Variants in CSMD1 observed in about 807,000 individuals in gnomAD.
CSMD1 encodes the protein CUB and Sushi multiple domains 1, also known as CUB and sushi domain-containing protein 1.
CSMD1 carries 213 observed loss-of-function variants against 417.5 expected under a neutral mutation model. The ratio of observed to expected loss-of-function variants is 0.51; its 90% CI spans 0.46 to 0.57. The LOEUF is 0.57. Ranked by LOEUF, CSMD1 falls within the 20% of genes least tolerant of loss-of-function variation. CSMD1 has a pLI of 0.00. For missense variants in CSMD1, 6,923 were observed against 4,529.7 expected, an observed-to-expected ratio of 1.53 and a Z score of -15.17; for synonymous variants, 2,862 against 1,736.8, an observed-to-expected ratio of 1.65 and a Z score of -16.11.
chr8:3,828,849 T>G (rs960172575), intron 5 of CSMD1, among the ~76,000 whole-genome samples: 1 of 151,990 alleles, frequency 6.6e-6, no homozygotes, highest in East Asian at 1.9e-4. Flanking sequence ...TCCACGAGAT[T>G]TTGTCTTATC....
At chr8:3,967,038 T>A (rs1293200975) in intron 5 of CSMD1, among the ~76,000 whole-genome samples, 2 of 152,244 alleles carry the variant, frequency 1.3e-5, no homozygotes, top group African/African-American at 4.8e-5. Flanking sequence ...GCCGTTTTAG[T>A]TGAGGTAATC....
In CSMD1 at chr8:4,247,783, A is replaced by T. The variant is rs143974977; in HGVS notation, c.415+172170T>A. Among the ~76,000 whole-genome samples the T allele has an allele frequency of 1.2e-4, 19 of 152,280 alleles. No homozygotes were observed. In the East Asian group the frequency reaches 3.7e-3, roughly 29 times the overall value. On this transcript the variant is annotated intron_variant, in intron 3 of 69. Coordinates refer to ENST00000635120, the MANE Select transcript of CSMD1 (RefSeq NM_033225.6). ...GCCTACAACTTTAAAATAGAATCTGAAAAAAGTACTGTGGGAGCCAAAGCA... is the reference window on the plus strand; with the variant it reads ...GCCTACAACTTTAAAATAGAATCTGTAAAAAGTACTGTGGGAGCCAAAGCA...
intron 2 of CSMD1, among the ~76,000 whole-genome samples, chr8:4,432,485 TG>T (rs914037646): frequency 2.4e-4 from 36 of 152,146 alleles, no homozygotes; most frequent in African/African-American, 7.7e-4. Context: ...TTACCCTCCT[TG>T]GGGTGTCTAC....
In CSMD1 at chr8:4,782,949, T is replaced by TAAA. The variant is rs1585090823; in HGVS notation, c.86-145392_86-145391insTTT. ...TATAAAACAATGTTTTTAAAGACACTCAAAAAAAAAAAAAGACGACTTCAG... is the reference window on the plus strand; with the variant it reads ...TATAAAACAATGTTTTTAAAGACACTAAACAAAAAAAAAAAAAGACGACTTCAG... On this transcript the variant is annotated intron_variant, in intron 1 of 69. Transcript: ENST00000635120. Among the ~76,000 whole-genome samples the TAAA allele has an allele frequency of 2.6e-4, 33 of 127,976 alleles. 1 individual carries two copies. Among genetic ancestry groups the TAAA allele is most frequent in the Non-Finnish European group, 3.7e-4 (22 of 60,132 alleles). 84.0% of individuals were successfully genotyped at this position (127,976 alleles called of 152,430 possible).
intron 3 of CSMD1, among the ~76,000 whole-genome samples, chr8:4,212,286 C>A (rs905933234): frequency 1.3e-5 from 2 of 151,730 alleles, no homozygotes; most frequent in Non-Finnish European, 1.5e-5. Flanking sequence ...ATTCTACAAA[C>A]TTAGTCAAAA....
chr8:3,567,282 G>C (rs1263251974), intron 10 of CSMD1, among the ~76,000 whole-genome samples: 3 of 151,980 alleles, frequency 2.0e-5, no homozygotes, highest in African/African-American at 7.3e-5. Flanking sequence ...GTGCAGGGTG[G>C]GAGGAGGCAG....
At chr8:3,250,686 G>C (rs929271838) in intron 26 of CSMD1, among the ~76,000 whole-genome samples, 1 of 152,170 alleles carries the variant, frequency 6.6e-6, no homozygotes, top group East Asian at 1.9e-4. Flanking sequence ...CAGTGTAAAA[G>C]TGTTCCTATT....
intron 3 of CSMD1, among the ~76,000 whole-genome samples, chr8:4,402,800 CT>C (rs60965667): frequency 0.037 from 3,312 of 89,426 alleles, 35 homozygotes; most frequent in African/African-American, 0.11. Context: ...TCACTTTTTT[CT>C]TTTTTTTTTT....
At chr8:2,998,484 A>C (rs1372182061) in intron 53 of CSMD1, among the ~76,000 whole-genome samples, 2 of 152,246 alleles carry the variant, frequency 1.3e-5, no homozygotes, top group Non-Finnish European at 2.9e-5. Flanking sequence ...AAATGATTTA[A>C]AAACGAAGCA....
chr8:3,667,749 T>C (rs940469905), intron 7 of CSMD1, among the ~76,000 whole-genome samples: 1 of 152,182 alleles, frequency 6.6e-6, no homozygotes, highest in Admixed American at 6.5e-5. Flanking sequence ...ACAAGAGTTC[T>C]GAAAAGCAAC....
intron 2 of CSMD1, among the ~76,000 whole-genome samples, chr8:4,592,665 G>A (rs1000669087): frequency 6.6e-6 from 1 of 152,156 alleles, no homozygotes; most frequent in South Asian, 2.1e-4. Context: ...AGGATTACCA[G>A]CGTGAGCCAC....
chr8:4,288,712 T>A (rs371653639), intron 3 of CSMD1, among the ~76,000 whole-genome samples: 4 of 152,302 alleles, frequency 2.6e-5, no homozygotes, highest in East Asian at 3.9e-4. Flanking sequence ...AGTGGATTTT[T>A]AAGCAAATCT....
intron 49 of CSMD1, among the ~76,000 whole-genome samples, chr8:3,083,142 G>T (rs1814231445): frequency 6.6e-6 from 1 of 151,858 alleles, no homozygotes; most frequent in Non-Finnish European, 1.5e-5. Flanking sequence ...AGCAATTCAG[G>T]ATCACATAAA....
intron 7 of CSMD1, among the ~76,000 whole-genome samples, chr8:3,675,019 A>T (rs1219271536): frequency 1.3e-5 from 2 of 152,202 alleles, no homozygotes; most frequent in Admixed American, 1.3e-4. Context: ...ATGCCCAGTG[A>T]TGCAGGGATT....
chr8:3,499,013 G>C (rs2084315), intron 10 of CSMD1, among the ~76,000 whole-genome samples: 7,699 of 152,200 alleles, frequency 0.051, 208 homozygotes, highest in Middle Eastern at 0.071. Context: ...TTGGGATATG[G>C]AATTAGAAAA....
At chr8:4,029,173 C>A (rs1000768681) in intron 4 of CSMD1, among the ~76,000 whole-genome samples, 2 of 152,134 alleles carry the variant, frequency 1.3e-5, no homozygotes, top group Non-Finnish European at 2.9e-5. Flanking sequence ...TAAACATTGG[C>A]ATCAAATCTT....
chr8:3,767,511 C>T (rs1265079179), intron 5 of CSMD1, among the ~76,000 whole-genome samples: 2 of 152,176 alleles, frequency 1.3e-5, no homozygotes, highest in African/African-American at 4.8e-5. Flanking sequence ...CTAACTAAGG[C>T]TTAGATTATG....
chr8:3,903,909 C>G (rs2129135216), intron 5 of CSMD1, among the ~76,000 whole-genome samples: 1 of 152,228 alleles, frequency 6.6e-6, no homozygotes, highest in South Asian at 2.1e-4. Flanking sequence ...ACACGTGGCA[C>G]ACTACCATGT....
Position 4,116,904 on chromosome 8 carries a change from T to C in CSMD1, c.416-84805A>G, listed in dbSNP as rs1208046465. ...GAATAAGCTTTCTGAAATCAGAAAG[T>C]GAGGTACTCGAAATGTGTACCATCC... On this transcript the variant is annotated intron_variant, in intron 3 of 69. Coordinates refer to ENST00000635120, the MANE Select transcript of CSMD1 (RefSeq NM_033225.6). Among the ~76,000 whole-genome samples the C allele has an allele frequency of 3.3e-5, 5 of 152,000 alleles. No individual in the cohort carries two copies. The Admixed American group carries it at 3.3e-4, about 10-fold the overall frequency.
Sources: gnomAD v4.1 joint callset for allele counts (sites outside exome capture counted in the v4.1 genomes callset) on GRCh38, gnomAD v4.1.1 for gene constraint, MANE v1.5 for transcripts, NCBI Gene and HGNC (gene_info 2026-07-23, HGNC 2026-07-21) for gene names.